SLC2A13: variants seen among roughly 807,000 people sequenced by gnomAD.
SLC2A13 encodes the protein proton myo-inositol cotransporter.
In SLC2A13, 32 loss-of-function variants were observed where a neutral mutation model predicts 64.4. That is an observed-to-expected ratio of 0.50 (90% CI 0.37 to 0.67). The LOEUF (loss-of-function observed/expected upper bound fraction) is 0.67, where lower values mean the gene tolerates loss of function less well. SLC2A13 is among the 30% of genes least tolerant of loss of function. The pLI is 0.00. For missense variants in SLC2A13, 743 were observed against 829.2 expected (o/e 0.90, Z 1.28); for synonymous variants, 338 against 327.1 (o/e 1.03, Z -0.36).
At chr12:39,969,673 G>A (rs186733836) in intron 3 of SLC2A13, among the ~76,000 whole-genome samples, 1 of 151,482 alleles carries the variant, frequency 6.6e-6, no homozygotes, top group African/African-American at 2.4e-5. Flanking sequence ...TAAATTTGTT[G>A]GAGTTCATTG....
chr12:39,764,949 C>A, intron 7 of SLC2A13, 91 bp from the exon 8 acceptor site: 1 of 1,418,930 alleles, frequency 7.0e-7, no homozygotes, highest in Non-Finnish European at 9.6e-7. Flanking sequence ...TTTGGAAATT[C>A]CTTAATGTCT....
chr12:40,044,327 G>C (rs1490326202), intron 2 of SLC2A13, among the ~76,000 whole-genome samples: 1 of 152,188 alleles, frequency 6.6e-6, no homozygotes, highest in South Asian at 2.1e-4. Context: ...TGGGGGGTTA[G>C]GGGGTGATGG....
chr12:39,951,955 C>A (rs1946239834), intron 3 of SLC2A13, among the ~76,000 whole-genome samples: 1 of 151,904 alleles, frequency 6.6e-6, no homozygotes, highest in African/African-American at 2.4e-5. Flanking sequence ...TACCTATTAT[C>A]TATAGATGTG....
At position 39,962,095 on chromosome 12, in the gene SLC2A13, A is replaced by G. The variant is rs571694531; in HGVS notation, c.926-10730T>C. On this transcript the variant is annotated intron_variant, in intron 3 of 9. Coordinates refer to ENST00000280871, the MANE Select transcript of SLC2A13 (RefSeq NM_052885.4). ...CACAATAATAGCTTTGTAACATCAA[A>G]CCACCTTCGCATTCCTGAGAAAAGC... is the stretch of plus-strand genomic sequence containing the variant. Among the ~76,000 whole-genome samples, 5 of 152,152 alleles carry G rather than the reference A, an allele frequency of 3.3e-5. No individual in the cohort carries two copies. The East Asian group carries it at 9.7e-4, about 29-fold the overall frequency.
At chr12:39,926,274 T>C (rs1478324269) in intron 4 of SLC2A13, among the ~76,000 whole-genome samples, 1 of 152,202 alleles carries the variant, frequency 6.6e-6, no homozygotes, top group Non-Finnish European at 1.5e-5. Context: ...ACTTAGAAAG[T>C]GATAAATATC....
chr12:39,958,251 T>C (rs1946350731), intron 3 of SLC2A13, among the ~76,000 whole-genome samples: 1 of 152,220 alleles, frequency 6.6e-6, no homozygotes, highest in African/African-American at 2.4e-5. Context: ...CCTGTACCTC[T>C]CTGCCTCCCC....
At chr12:39,986,095 G>C (rs1346967141) in intron 3 of SLC2A13, among the ~76,000 whole-genome samples, 1 of 151,926 alleles carries the variant, frequency 6.6e-6, no homozygotes, top group Non-Finnish European at 1.5e-5. Flanking sequence ...TTAAAATAAA[G>C]GCCTTGGTTC....
intron 5 of SLC2A13, among the ~76,000 whole-genome samples, chr12:39,866,344 T>C (rs989304233): frequency 6.6e-6 from 1 of 152,214 alleles, no homozygotes; most frequent in Admixed American, 6.5e-5. Context: ...TAGCTAGCTT[T>C]GCTGTTTCCT....
intron 1 of SLC2A13, among the ~76,000 whole-genome samples, chr12:40,084,855 T>A (rs1938539248): frequency 6.6e-6 from 1 of 151,896 alleles, no homozygotes. Context: ...TGCTAGTAAG[T>A]TGACAGATGA....
chr12:40,073,649 G>T (rs1226104376), intron 1 of SLC2A13, among the ~76,000 whole-genome samples: 1 of 151,590 alleles, frequency 6.6e-6, no homozygotes, highest in South Asian at 2.1e-4. Flanking sequence ...AATTTAACAG[G>T]GTACAAAATC....
intron 3 of SLC2A13, among the ~76,000 whole-genome samples, chr12:39,997,955 C>T (rs773190618): frequency 9.9e-5 from 15 of 152,130 alleles, no homozygotes; most frequent in African/African-American, 1.7e-4. Context: ...TATGGAAAGC[C>T]GTGTGGAGAT....
intron 7 of SLC2A13, among the ~76,000 whole-genome samples, chr12:39,823,989 T>C (rs1390815888): frequency 1.3e-5 from 2 of 152,198 alleles, no homozygotes; most frequent in African/African-American, 4.8e-5. Context: ...ATGAAGTGAC[T>C]GGAACATCAT....
At chr12:39,911,831 G>A (rs1307572844) in intron 4 of SLC2A13, among the ~76,000 whole-genome samples, 1 of 152,098 alleles carries the variant, frequency 6.6e-6, no homozygotes, top group Non-Finnish European at 1.5e-5. Context: ...GGAGAGAACA[G>A]ACAGGGTAGG....
intron 1 of SLC2A13, among the ~76,000 whole-genome samples, chr12:40,055,554 C>T (rs1434597146): frequency 6.6e-6 from 1 of 152,158 alleles, no homozygotes; most frequent in Non-Finnish European, 1.5e-5. Flanking sequence ...AGTGTCAAGC[C>T]TAAGGGCGTA....
rs147425221 is a variant in SLC2A13 at position 39,944,826 on chromosome 12, G to A, written c.1034+6431C>T. Among the ~76,000 whole-genome samples, 473 of 152,250 alleles carry A rather than the reference G, an allele frequency of 3.1e-3. 3 individuals carry two copies. The highest frequency in any genetic ancestry group is 0.011 in the African/African-American group (447 of 41,532). On this transcript the variant is annotated intron_variant, in intron 4 of 9. Transcript: ENST00000280871. ...TGTATCTTTTAAGTGGAGCATTTAG[G>A]TCATTTACATTCAATGTTTGTATTG...
At chr12:39,761,341 T>C (rs1288086073) in intron 9 of SLC2A13, among the ~76,000 whole-genome samples, 1 of 151,990 alleles carries the variant, frequency 6.6e-6, no homozygotes, top group African/African-American at 2.4e-5. Flanking sequence ...ATAGGAGATA[T>C]AGTTAAGAGA....
At chr12:40,043,880 T>C (rs540751491) in intron 2 of SLC2A13, among the ~76,000 whole-genome samples, 7 of 152,206 alleles carry the variant, frequency 4.6e-5, no homozygotes, top group Admixed American at 1.3e-4. Flanking sequence ...ATTGAAACCC[T>C]CATACGTTGC....
chr12:39,780,174 G>A (rs981621729), intron 7 of SLC2A13, among the ~76,000 whole-genome samples: 39 of 151,980 alleles, frequency 2.6e-4, no homozygotes, highest in African/African-American at 8.7e-4. Flanking sequence ...ACAATTCAAA[G>A]CAATAGCATC....
At position 39,842,625 on chromosome 12, in the gene SLC2A13, T is replaced by TGA. The variant is rs199897964; in HGVS notation, c.1320-12399_1320-12398dup. On this transcript the variant is annotated intron_variant, in intron 6 of 9. Transcript: ENST00000280871. ...GCACATATTTTTAAAAATTTTTTAC[T>TGA]GAGATAAAATTCATATAAAATTTAC... is the stretch of plus-strand genomic sequence containing the variant. Among the ~76,000 whole-genome samples, 937 of 152,162 alleles carry TGA rather than the reference T, an allele frequency of 6.2e-3. 11 individuals are homozygous for TGA. Among genetic ancestry groups the TGA allele is most frequent in the African/African-American group, 0.021 (890 of 41,552 alleles).
Sources: allele counts gnomAD v4.1 joint callset (sites outside exome capture counted in the v4.1 genomes callset), GRCh38; gene constraint gnomAD v4.1.1; transcripts MANE v1.5; gene names NCBI Gene and HGNC (gene_info 2026-07-23, HGNC 2026-07-21).